Variants in JMJD1C observed in about 807,000 individuals in gnomAD.
JMJD1C encodes jumonji domain-containing protein 1C.
A neutral mutation model predicts 245.3 loss-of-function variants in JMJD1C; 31 were observed. That is an observed-to-expected ratio of 0.13 (90% CI 0.09 to 0.17). The LOEUF is 0.17. Ranked by LOEUF, JMJD1C falls within the 10% of genes least tolerant of loss-of-function variation. JMJD1C has a pLI of 1.00. For missense variants in JMJD1C, 2,691 were observed against 3,000.2 expected, an observed-to-expected ratio of 0.90 and a Z score of 2.41; for synonymous variants, 1,057 against 1,017.4, an observed-to-expected ratio of 1.04 and a Z score of -0.74.
At chr10:63,168,942 T>C (rs925841934) in intron 24 of JMJD1C, among the ~76,000 whole-genome samples, 2 of 152,214 alleles carry the variant, frequency 1.3e-5, no homozygotes, top group Non-Finnish European at 2.9e-5. Flanking sequence ...AGTATGTTTA[T>C]TGTTGCTCCA....
At chr10:63,284,845 G>A (rs1857784363) in intron 2 of JMJD1C, among the ~76,000 whole-genome samples, 1 of 143,646 alleles carries the variant, frequency 7.0e-6, no homozygotes, top group Non-Finnish European at 1.5e-5. Flanking sequence ...GCCATTCCCT[G>A]GCAGGGAAGA....
intron 2 of JMJD1C, among the ~76,000 whole-genome samples, chr10:63,283,781 A>AAC (rs1857668521): frequency 6.6e-6 from 1 of 152,070 alleles, no homozygotes; most frequent in Non-Finnish European, 1.5e-5. Flanking sequence ...TTTGTGCTGT[A>AAC]TTCTACTTGG....
intron 2 of JMJD1C, among the ~76,000 whole-genome samples, chr10:63,267,313 G>A (rs1016904484): frequency 2.0e-5 from 3 of 151,788 alleles, no homozygotes; most frequent in Admixed American, 6.6e-5. Flanking sequence ...AATACACCCC[G>A]GTTTTTTTAA....
intron 3 of JMJD1C, among the ~76,000 whole-genome samples, chr10:63,250,041 CCT>C (rs954961210): frequency 6.6e-6 from 1 of 151,702 alleles, no homozygotes; most frequent in African/African-American, 2.4e-5. Context: ...ACAGGGTTTC[CCT>C]CTGTTACCTA....
chr10:63,176,487 T>G lies in JMJD1C; in HGVS notation c.7225-14A>C. On this transcript the variant is annotated splice_polypyrimidine_tract_variant and intron_variant, in intron 23 of 25. Transcript: ENST00000399262. ...TTCTTTTGAAATCTGAAATATGAAT[T>G]AAAATAGACACTCCAATTTAAGTAA... 6.3e-7 allele frequency: 1 copy of G among 1,583,932 alleles called. No homozygotes were observed. The highest frequency in any genetic ancestry group is 8.7e-7 in the Non-Finnish European group (1 of 1,155,904).
intron 1 of JMJD1C, among the ~76,000 whole-genome samples, chr10:63,388,344 A>G (rs1947791442): frequency 6.7e-6 from 1 of 150,328 alleles, no homozygotes; most frequent in Admixed American, 6.7e-5. Context: ...AAAAAGCTGA[A>G]GGAGAAAAAA....
chr10:63,168,672 T>C lies in JMJD1C; in HGVS notation c.7402-106A>G, dbSNP rs1294836630. 3.0e-6 allele frequency: 3 copies of C among 998,976 alleles called. No homozygotes were observed. In the Admixed American group the frequency reaches 9.5e-5, roughly 32 times the overall value. 61.9% of individuals were successfully genotyped at this position (998,976 alleles called of 1,614,324 possible). A position where few individuals can be genotyped will look rare whatever the true frequency, so the allele number is the denominator to read the frequency against. ...CACAAGAGACAATTCTGCTGGAGAA[T>C]TTACTTTCTCCAAAACATCAAATGG... On this transcript the variant is annotated intron_variant, in intron 24 of 25. Transcript: ENST00000399262.
chr10:63,327,314 C>T (rs1941633480), intron 2 of JMJD1C, among the ~76,000 whole-genome samples: 1 of 152,136 alleles, frequency 6.6e-6, no homozygotes, highest in South Asian at 2.1e-4. Context: ...ACCTTCATTC[C>T]AATACTTTGC....
rs140062026 is a variant in JMJD1C, at chr10:63,341,607, C to T, written c.333+38711G>A. 3.2e-3 allele frequency among the ~76,000 whole-genome samples: 490 copies of T among 152,304 alleles called. 2 individuals carry two copies. Among genetic ancestry groups the T allele is most frequent in the African/African-American group, 0.011 (475 of 41,572 alleles). ...TGAATGGTTTCACAAACATTCTCTA[C>T]CAGTAGCTCATGTTCACTGCAGAGA... On this transcript the variant is annotated intron_variant, in intron 2 of 25. Transcript: ENST00000399262.
intron 3 of JMJD1C, among the ~76,000 whole-genome samples, chr10:63,236,603 C>G (rs1200362475): frequency 6.6e-6 from 1 of 152,156 alleles, no homozygotes; most frequent in African/African-American, 2.4e-5. Flanking sequence ...CCACAATTTA[C>G]TAACTGCAGC....
chr10:63,420,552 A>G (rs1950061553), intron 1 of JMJD1C, among the ~76,000 whole-genome samples: 1 of 151,826 alleles, frequency 6.6e-6, no homozygotes, highest in Non-Finnish European at 1.5e-5. Flanking sequence ...ATAAAATACA[A>G]AAATTAGCCA....
At position 63,191,103 on chromosome 10, in the gene JMJD1C, T is replaced by C. The variant is rs1180300987; in HGVS notation, c.6082A>G (p.Lys2028Glu). Reference protein sequence around the residue: ...QKAREEKKENKELTLENQIKE... With the variant: ...QKAREEKKENEELTLENQIKE... The stretch of plus-strand genomic sequence containing the variant: ...ATTTGGTTTTCAAGGGTAAGTTCTT[T>C]GTTTTCTGAAATAGAAAATTTCACA... Residue 2028 changes from lysine (K) to glutamate (E), a missense_variant, in exon 17 of 26, where the codon AAA (lysine) becomes GAA (glutamate). Lys to Glu is a moderately conservative substitution (Grantham distance 56). This residue lies in a region of JMJD1C where 275 missense variants were observed against 285.5 expected (regional missense o/e 0.96). Coordinates refer to ENST00000399262, the MANE Select transcript of JMJD1C (RefSeq NM_032776.3). 1.9e-6 allele frequency: 3 copies of C among 1,608,366 alleles called. No homozygotes were observed. The highest frequency in any genetic ancestry group is 2.2e-5 in the East Asian group (1 of 44,858).
chr10:63,311,979 A>G (rs1017172960), intron 2 of JMJD1C, among the ~76,000 whole-genome samples: 23 of 152,184 alleles, frequency 1.5e-4, no homozygotes, highest in Non-Finnish European at 4.4e-5. Context: ...AATTATATAA[A>G]GTTATGTACC....
At chr10:63,348,966 T>C (rs1589547929) in intron 2 of JMJD1C, among the ~76,000 whole-genome samples, 1 of 151,896 alleles carries the variant, frequency 6.6e-6, no homozygotes, top group Admixed American at 6.6e-5. Context: ...CCAGGCGTGG[T>C]GGCAGGTGCC....
At chr10:63,515,370 G>T (rs778744822) in intron 1 of JMJD1C, among the ~76,000 whole-genome samples, 3 of 152,148 alleles carry the variant, frequency 2.0e-5, no homozygotes, top group African/African-American at 7.2e-5. Context: ...AGCTGACAGC[G>T]TAAGAGGATT....
chr10:63,370,992 C>T (rs182179803), intron 2 of JMJD1C, among the ~76,000 whole-genome samples: 8 of 152,028 alleles, frequency 5.3e-5, no homozygotes, highest in South Asian at 2.1e-4. Context: ...ATATATTTTC[C>T]GTTGAGACAG....
At chr10:63,370,526 T>C (rs540296836) in intron 2 of JMJD1C, among the ~76,000 whole-genome samples, 29 of 152,334 alleles carry the variant, frequency 1.9e-4, no homozygotes, top group African/African-American at 7.0e-4. Flanking sequence ...TGCCACAAAG[T>C]CTATGTCCTT....
Position 63,279,828 on chromosome 10 carries a change from T to C in JMJD1C, c.334-15064A>G, listed in dbSNP as rs374664168. 1.1e-4 allele frequency among the ~76,000 whole-genome samples: 17 copies of C among 152,242 alleles called. No homozygotes were observed. The East Asian group carries it at 1.5e-3, about 14-fold the overall frequency. On this transcript the variant is annotated intron_variant, in intron 2 of 25. Coordinates refer to ENST00000399262, the MANE Select transcript of JMJD1C (RefSeq NM_032776.3). ...ACACTAAACCAATACATATTACATATACATTTTTAAATGGGAGTGGGGGGA... is the reference window on the plus strand; with the variant it reads ...ACACTAAACCAATACATATTACATACACATTTTTAAATGGGAGTGGGGGGA...
chr10:63,305,366 C>CAA (rs758005863), intron 2 of JMJD1C, among the ~76,000 whole-genome samples: 51,053 of 106,500 alleles, frequency 0.48, 13,180 homozygotes, highest in South Asian at 0.55. Context: ...GACTCCACCT[C>CAA]AAAAAAAAAA....
Sources: gnomAD v4.1 joint callset for allele counts (sites outside exome capture counted in the v4.1 genomes callset) on GRCh38, gnomAD v4.1.1 for gene constraint, gnomAD v4.1.1 regional missense constraint, MANE v1.5 for transcripts, NCBI Gene and HGNC (gene_info 2026-07-23, HGNC 2026-07-21) for gene names.